The following CHRM3 variants were observed in gnomAD, a reference collection of about 807,000 sequenced individuals.
CHRM3 encodes cholinergic receptor muscarinic 3.
In CHRM3, 11 loss-of-function variants were observed where a neutral mutation model predicts 41.8. The observed-to-expected ratio is 0.26, with a 90% CI of 0.17 to 0.44. The LOEUF is 0.44. CHRM3 is among the 20% of genes least tolerant of loss of function. The probability of loss-of-function intolerance (pLI) is 1.00; values close to 1 mark genes in which losing one functional copy is unlikely to be tolerated. For synonymous variants in CHRM3, 297 were observed against 301.4 expected (o/e 0.99, Z 0.15); for missense variants, 571 against 745.4 (o/e 0.77, Z 2.72).
intron 5 of CHRM3, among the ~76,000 whole-genome samples, chr1:239,694,730 C>A (rs1660021540): frequency 6.6e-6 from 1 of 152,106 alleles, no homozygotes; most frequent in Admixed American, 6.6e-5. Context: ...TGGAGTCATC[C>A]TTTGTATTTT....
At chr1:239,894,017 C>T (rs1054731707) in intron 6 of CHRM3, among the ~76,000 whole-genome samples, 1 of 152,146 alleles carries the variant, frequency 6.6e-6, no homozygotes, top group Admixed American at 6.5e-5. Context: ...CTTTTGCTCT[C>T]ATCTTGTTGA....
Position 239,718,239 on chromosome 1 carries a change from A to G in CHRM3, c.-147+39951A>G, listed in dbSNP as rs367914833. Among the ~76,000 whole-genome samples the G allele has an allele frequency of 3.3e-5, 5 of 152,182 alleles. No individual in the cohort carries two copies. The East Asian group carries it at 7.8e-4, about 24-fold the overall frequency. On this transcript the variant is annotated intron_variant, in intron 5 of 6. Transcript: ENST00000676153. ...AGGTAAATGAAGTGTATATTTTCCAATCACAACTGGAATTTTAAGTGAGTG... is the reference window on the plus strand; with the variant it reads ...AGGTAAATGAAGTGTATATTTTCCAGTCACAACTGGAATTTTAAGTGAGTG...
intron 5 of CHRM3, among the ~76,000 whole-genome samples, chr1:239,760,147 G>C (rs1483605452): frequency 4.0e-5 from 6 of 150,086 alleles, no homozygotes; most frequent in Non-Finnish European, 7.4e-5. Context: ...GGATGGTCTC[G>C]ATCTCCTGAC....
At chr1:239,390,263 A>G (rs1658912802) in intron 1 of CHRM3, among the ~76,000 whole-genome samples, 1 of 152,168 alleles carries the variant, frequency 6.6e-6, no homozygotes, top group African/African-American at 2.4e-5. Context: ...GTTTTCCTAG[A>G]TGCAATATAT....
intron 6 of CHRM3, among the ~76,000 whole-genome samples, chr1:239,854,904 T>C (rs528879969): frequency 3.8e-4 from 58 of 152,256 alleles, no homozygotes; most frequent in African/African-American, 1.3e-3. Flanking sequence ...GTTTTAAAAA[T>C]TGCATTGCTC....
At chr1:239,720,370 T>C (rs1195418117) in intron 5 of CHRM3, among the ~76,000 whole-genome samples, 1 of 151,988 alleles carries the variant, frequency 6.6e-6, no homozygotes, top group Non-Finnish European at 1.5e-5. Context: ...ATTTTTGTCA[T>C]TTAGTCAGAA....
At chr1:239,551,776 T>C (rs995086757) in intron 3 of CHRM3, among the ~76,000 whole-genome samples, 2 of 152,148 alleles carry the variant, frequency 1.3e-5, no homozygotes, top group African/African-American at 2.4e-5. Context: ...GATAGAGTTA[T>C]AAGTAGCACA....
At chr1:239,846,392 A>C (rs1255461054) in intron 6 of CHRM3, among the ~76,000 whole-genome samples, 1 of 152,180 alleles carries the variant, frequency 6.6e-6, no homozygotes, top group East Asian at 1.9e-4. Flanking sequence ...AGTTTGAAAA[A>C]ATCCAACAGA....
chr1:239,499,696 A>G (rs1036412719), intron 2 of CHRM3, among the ~76,000 whole-genome samples: 35 of 152,280 alleles, frequency 2.3e-4, no homozygotes, highest in African/African-American at 7.9e-4. Flanking sequence ...GTTAAGACGA[A>G]GGAAAGTATG....
At chr1:239,415,144 T>C (rs112009657) in intron 1 of CHRM3, among the ~76,000 whole-genome samples, 82 of 152,320 alleles carry the variant, frequency 5.4e-4, no homozygotes, top group African/African-American at 1.9e-3. Flanking sequence ...AGTTTTTTTA[T>C]ACATGATACT....
At chr1:239,510,177 A>G (rs1050687507) in intron 2 of CHRM3, among the ~76,000 whole-genome samples, 1 of 152,240 alleles carries the variant, frequency 6.6e-6, no homozygotes, top group Non-Finnish European at 1.5e-5. Flanking sequence ...GCTGTAGTTG[A>G]CATTTAAGAT....
At chr1:239,866,411 A>AAAAAC in intron 6 of CHRM3, among the ~76,000 whole-genome samples, 1 of 151,728 alleles carries the variant, frequency 6.6e-6, no homozygotes, top group Non-Finnish European at 1.5e-5. Context: ...AAAACAAAAA[A>AAAAAC]AAAAAAGCTT....
chr1:239,905,979 A>G (rs113697619), intron 6 of CHRM3, among the ~76,000 whole-genome samples: 71 of 152,334 alleles, frequency 4.7e-4, no homozygotes, highest in Middle Eastern at 3.4e-3. Context: ...TTGGCCACTT[A>G]TTGAATTCTG....
At chr1:239,558,266 G>A (rs1660551065) in intron 3 of CHRM3, among the ~76,000 whole-genome samples, 1 of 152,060 alleles carries the variant, frequency 6.6e-6, no homozygotes, top group South Asian at 2.1e-4. Context: ...GTTGTTGGCT[G>A]CATGTATGTC....
chr1:239,609,770 G>A (rs1158989540), intron 3 of CHRM3, among the ~76,000 whole-genome samples: 1 of 152,090 alleles, frequency 6.6e-6, no homozygotes, highest in Non-Finnish European at 1.5e-5. Flanking sequence ...TACTTAGTTA[G>A]CATCTGTATA....
chr1:239,757,091 A>T (rs1392085369), intron 5 of CHRM3, among the ~76,000 whole-genome samples: 1 of 152,212 alleles, frequency 6.6e-6, no homozygotes, highest in Non-Finnish European at 1.5e-5. Flanking sequence ...CTCACATGAC[A>T]TTGTGAATAT....
chr1:239,616,041 C>A (rs1414837003), intron 3 of CHRM3, among the ~76,000 whole-genome samples: 1 of 152,126 alleles, frequency 6.6e-6, no homozygotes, highest in Non-Finnish European at 1.5e-5. Flanking sequence ...CCAGTGATGG[C>A]TAGTTAGGAA....
At position 239,908,492 on chromosome 1, in the gene CHRM3, G is replaced by A. The variant is rs1382621395; in HGVS notation, c.1041G>A (p.Glu347=). ...WNNNDAAASL[E]NSASSDEEDI... The stretch of plus-strand genomic sequence containing the variant: ...ACAATGATGCTGCTGCCTCCCTGGA[G>A]AACTCCGCCTCCTCCGACGAGGAGG... The change falls in exon 7 of 7, where the codon GAG becomes GAA. Residue 347 remains glutamate, a synonymous_variant. Coordinates refer to ENST00000676153, the MANE Select transcript of CHRM3 (RefSeq NM_001375978.1). This position sits in a 1 kb window ranked among gnomAD's most constrained non-coding sequence, Gnocchi z 7.2. 6.2e-7 allele frequency: 1 copy of A among 1,607,862 alleles called. No homozygotes were observed. Among genetic ancestry groups the A allele is most frequent in the Non-Finnish European group, 8.5e-7 (1 of 1,176,710 alleles).
intron 2 of CHRM3, among the ~76,000 whole-genome samples, chr1:239,540,236 A>G (rs1184221166): frequency 5.3e-5 from 8 of 152,356 alleles, no homozygotes; most frequent in African/African-American, 1.7e-4. Context: ...TTATCTTAAC[A>G]AAATGTTAAC....
Sources: gnomAD v4.1 joint callset for allele counts (sites outside exome capture counted in the v4.1 genomes callset) on GRCh38, gnomAD v4.1.1 for gene constraint, Gnocchi (gnomAD v3.1) non-coding constraint, MANE v1.5 for transcripts, NCBI Gene and HGNC (gene_info 2026-07-23, HGNC 2026-07-21) for gene names.